MGAT5: variants seen among roughly 807,000 people sequenced by gnomAD.
The protein encoded by MGAT5 is alpha-1,6-mannosylglycoprotein 6-beta-N-acetylglucosaminyltransferase, also known as alpha-1,6-mannosylglycoprotein 6-beta-N-acetylglucosaminyltransferase A.
Under a neutral mutation model 94.3 loss-of-function variants are expected in MGAT5, and 30 were observed. That is an observed-to-expected ratio of 0.32 (90% CI 0.24 to 0.43). The LOEUF (loss-of-function observed/expected upper bound fraction) is 0.43. Among genes scored for constraint, MGAT5 ranks in the 20% least tolerant of loss-of-function variants. The pLI is 1.00. For missense variants in MGAT5, 691 were observed against 905.5 expected, an observed-to-expected ratio of 0.76 and a Z score of 3.04; for synonymous variants, 310 against 322.9, an observed-to-expected ratio of 0.96 and a Z score of 0.43.
At chr2:134,439,325 TGTGC>T (rs1685344776) in intron 14 of MGAT5, among the ~76,000 whole-genome samples, 1 of 152,244 alleles carries the variant, frequency 6.6e-6, no homozygotes, top group Non-Finnish European at 1.5e-5. Context: ...AGAGGCAGGA[TGTGC>T]TCTCAGGGCC....
chr2:134,436,612 G>C (rs1209692789), intron 14 of MGAT5, among the ~76,000 whole-genome samples: 2 of 152,154 alleles, frequency 1.3e-5, no homozygotes, highest in Admixed American at 6.5e-5. Context: ...GTGCCATCCT[G>C]CCCTGCTGGA....
intron 10 of MGAT5, among the ~76,000 whole-genome samples, chr2:134,392,126 G>C (rs1226756640): frequency 6.6e-6 from 1 of 152,160 alleles, no homozygotes; most frequent in Non-Finnish European, 1.5e-5. Flanking sequence ...TGAAACCATT[G>C]ATGAGTATGA....
intron 10 of MGAT5, among the ~76,000 whole-genome samples, chr2:134,368,223 C>T (rs973163318): frequency 1.3e-5 from 2 of 152,232 alleles, no homozygotes; most frequent in Admixed American, 6.5e-5. Context: ...GCTAAGTGTA[C>T]AGCAGAAGCC....
chr2:134,181,995 C>T (rs1279918266), intron 1 of MGAT5, among the ~76,000 whole-genome samples: 1 of 152,168 alleles, frequency 6.6e-6, no homozygotes, highest in Non-Finnish European at 1.5e-5. Flanking sequence ...TGTGTGTGAT[C>T]ACTAGGAGAT....
intron 1 of MGAT5, among the ~76,000 whole-genome samples, chr2:134,237,182 G>T (rs1681694422): frequency 6.8e-6 from 1 of 146,024 alleles, no homozygotes; most frequent in South Asian, 2.3e-4. Context: ...CTCTTGGTCT[G>T]TACTTGGCTG....
intron 1 of MGAT5, among the ~76,000 whole-genome samples, chr2:134,256,097 A>G (rs1682946176): frequency 6.6e-6 from 1 of 152,228 alleles, no homozygotes; most frequent in East Asian, 1.9e-4. Context: ...GTCTGTAGGC[A>G]TTGGCTTTTA....
At chr2:134,393,290 C>T (rs1261111934) in intron 10 of MGAT5, among the ~76,000 whole-genome samples, 1 of 152,094 alleles carries the variant, frequency 6.6e-6, no homozygotes, top group Admixed American at 6.5e-5. Flanking sequence ...GCCAGATTAC[C>T]TCAGATCAGT....
chr2:134,281,763 A>G (rs1207619942), intron 2 of MGAT5, among the ~76,000 whole-genome samples: 1 of 152,216 alleles, frequency 6.6e-6, no homozygotes, highest in Non-Finnish European at 1.5e-5. Context: ...CTCTCAAGGG[A>G]AGACAGTCAT....
Position 134,422,808 on chromosome 2 carries a change from A to G in MGAT5, c.1683A>G (p.Thr561=), listed in dbSNP as rs765140723. The change falls in exon 13 of 16, where the codon ACA becomes ACG. Residue 561 remains threonine, a synonymous_variant. Coordinates refer to ENST00000281923, the MANE Select transcript of MGAT5 (RefSeq NM_002410.5). ...GGTGTTCGGTTCTTTTCCAGCTGAC[A>G]TCCCAGCATCCTTACGCTGAAGTTT... is the stretch of plus-strand genomic sequence containing the variant. The part of the protein sequence containing the change: ...FIGKPTLREL[T]SQHPYAEVFI... 5 of 1,613,612 alleles carry G rather than the reference A, an allele frequency of 3.1e-6. No individual in the cohort carries two copies. In the Admixed American group the frequency reaches 8.3e-5, roughly 27 times the overall value.
At chr2:134,378,905 C>T (rs1005583537) in intron 10 of MGAT5, among the ~76,000 whole-genome samples, 1 of 152,182 alleles carries the variant, frequency 6.6e-6, no homozygotes, top group Admixed American at 6.5e-5. Flanking sequence ...CATGAGCCAT[C>T]GCGCCTGGCC....
At chr2:134,276,225 G>A (rs2680726) in intron 2 of MGAT5, among the ~76,000 whole-genome samples, 73,292 of 142,670 alleles carry the variant, frequency 0.51, 21,427 homozygotes, top group Non-Finnish European at 0.66. Flanking sequence ...AGGCCTCCAA[G>A]GAAAGAGATT....
intron 1 of MGAT5, among the ~76,000 whole-genome samples, chr2:134,141,741 T>C (rs570301850): frequency 2.6e-5 from 4 of 152,112 alleles, no homozygotes; most frequent in Non-Finnish European, 5.9e-5. Flanking sequence ...GGGAAAGACA[T>C]TGCCAGCAGG....
chr2:134,196,905 C>T (rs975782927), intron 1 of MGAT5, among the ~76,000 whole-genome samples: 2 of 152,154 alleles, frequency 1.3e-5, no homozygotes, highest in Non-Finnish European at 2.9e-5. Flanking sequence ...CTAAGTTGTA[C>T]TAGTTTAACA....
chr2:134,189,595 TTTTTTTG>T lies in MGAT5; in HGVS notation c.-142-64660_-142-64654del, dbSNP rs1689223356. ...TATGACTAACCTCATGGCTCTAGTT[TTTTTTTG>T]TTTTTTTTTTTTTTTTTTAAGACAG... On this transcript the variant is annotated intron_variant, in intron 1 of 16. Coordinates refer to the MGAT5 transcript ENST00000409645. 7.0e-5 allele frequency among the ~76,000 whole-genome samples: 6 copies of T among 85,140 alleles called. No individual in the cohort carries two copies. In the South Asian group the frequency reaches 1.8e-3, roughly 25 times the overall value. The allele number at this position is 85,140 out of a possible 152,430, so 55.9% of individuals were successfully genotyped here. A position where few individuals can be genotyped will look rare whatever the true frequency, so the allele number is the denominator to read the frequency against.
chr2:134,234,215 G>C (rs1369992800), intron 1 of MGAT5, among the ~76,000 whole-genome samples: 1 of 152,196 alleles, frequency 6.6e-6, no homozygotes, highest in African/African-American at 2.4e-5. Context: ...ATTGGGGGCA[G>C]GGGTTGGTGG....
chr2:134,292,471 C>T (rs1055191412), intron 2 of MGAT5, among the ~76,000 whole-genome samples: 1 of 152,166 alleles, frequency 6.6e-6, no homozygotes, highest in Non-Finnish European at 1.5e-5. Context: ...AAAAGGAGAA[C>T]TGCTTTCTGT....
At chr2:134,299,894 C>G (rs1685913604) in intron 2 of MGAT5, among the ~76,000 whole-genome samples, 1 of 152,144 alleles carries the variant, frequency 6.6e-6, no homozygotes, top group Non-Finnish European at 1.5e-5. Context: ...TCCTCCCTGG[C>G]TTTCCAGTTG....
At chr2:134,403,603 A>AT (rs1293524562) in intron 11 of MGAT5, among the ~76,000 whole-genome samples, 2 of 152,218 alleles carry the variant, frequency 1.3e-5, no homozygotes, top group East Asian at 1.9e-4. Context: ...GATGAGGGCA[A>AT]AGTCCCTGTG....
In MGAT5 at chr2:134,381,335, A is replaced by ATAGATAGATAGATAGG. The variant is rs1326795083; in HGVS notation, c.1380+18942_1380+18943insGTAGATAGATAGATAG. Among the ~76,000 whole-genome samples the ATAGATAGATAGATAGG allele has an allele frequency of 5.1e-5, 4 of 78,184 alleles. No homozygotes were observed. In the Admixed American group the frequency reaches 5.6e-4, roughly 11 times the overall value. The allele number at this position is 78,184 out of a possible 152,430, so 51.3% of individuals were successfully genotyped here. A position where few individuals can be genotyped will look rare whatever the true frequency, so the allele number is the denominator to read the frequency against. The stretch of plus-strand genomic sequence containing the variant: ...CAGCATAGCAAGACCTGTCTCATAG[A>ATAGATAGATAGATAGG]TAGATAGATAGATAGATAGATAGAT... On this transcript the variant is annotated intron_variant, in intron 10 of 15. Coordinates refer to ENST00000281923, the MANE Select transcript of MGAT5 (RefSeq NM_002410.5).
Sources: gnomAD v4.1 joint callset for allele counts (sites outside exome capture counted in the v4.1 genomes callset) on GRCh38, gnomAD v4.1.1 for gene constraint, MANE v1.5 for transcripts, NCBI Gene and HGNC (gene_info 2026-07-23, HGNC 2026-07-21) for gene names.